The following BCL2L13 variants were observed in gnomAD, a reference collection of about 807,000 sequenced individuals.
BCL2L13 encodes the protein BCL2 like 13, also known as bcl-2-like protein 13.
In BCL2L13, 13 loss-of-function variants were observed where a neutral mutation model predicts 25.8. The observed-to-expected ratio is 0.50, with a 90% CI of 0.33 to 0.80. The LOEUF (loss-of-function observed/expected upper bound fraction) is 0.80. BCL2L13 is among the 30% of genes least tolerant of loss of function. BCL2L13 has a pLI of 0.02. For synonymous variants in BCL2L13, 244 were observed against 230.3 expected (o/e 1.06, Z -0.54); for missense variants, 504 against 574.9 (o/e 0.88, Z 1.26).
chr22:17,695,571 C>G (rs189379063), intron 4 of BCL2L13, among the ~76,000 whole-genome samples: 1 of 152,016 alleles, frequency 6.6e-6, no homozygotes, highest in Non-Finnish European at 1.5e-5. Context: ...CCACCTGCCT[C>G]GGCCTCTCAA....
rs1257015706 is a variant in BCL2L13 at position 17,638,795 on chromosome 22, G to A, written c.-142G>A. 9.7e-6 allele frequency: 12 copies of A among 1,231,894 alleles called. No individual in the cohort carries two copies. The East Asian group carries it at 3.8e-4, about 39-fold the overall frequency. 76.3% of individuals were successfully genotyped at this position (1,231,894 alleles called of 1,614,324 possible). A position where few individuals can be genotyped will look rare whatever the true frequency, so the allele number is the denominator to read the frequency against. ...GCGGCGGCGGTAGATTAGGGCCGCG[G>A]GTCGGAGCACTCACCGCCGCTGGGG... On this transcript the variant is annotated 5_prime_UTR_variant, in exon 1 of 7. Coordinates refer to ENST00000317582, the MANE Select transcript of BCL2L13 (RefSeq NM_015367.4).
rs548449379 is a variant in BCL2L13 at position 17,664,351 on chromosome 22, G to C, written c.121+8519G>C. 7.9e-5 allele frequency among the ~76,000 whole-genome samples: 12 copies of C among 152,348 alleles called. No individual in the cohort carries two copies. The South Asian group carries it at 2.3e-3, about 29-fold the overall frequency. Reference sequence around the variant, plus strand: ...TGTCTCACATCCAGGTTGTGCTGATGCAAGAGGTGGGTTCCCATGGCCTTG... The same window carrying C: ...TGTCTCACATCCAGGTTGTGCTGATCCAAGAGGTGGGTTCCCATGGCCTTG... On this transcript the variant is annotated intron_variant, in intron 2 of 6. Transcript: ENST00000317582.
At chr22:17,655,556 C>G (rs959700282) in intron 1 of BCL2L13, 106 bp from the exon 2 acceptor site, 2 of 865,476 alleles carry the variant, frequency 2.3e-6, no homozygotes, top group African/African-American at 3.5e-5. Flanking sequence ...GCGACAAGAG[C>G]AAGACTCTAC....
chr22:17,628,968 C>A, exon 1 of BCL2L13: 1 of 406,344 alleles, frequency 2.5e-6, no homozygotes, highest in South Asian at 2.6e-5. Flanking sequence ...GTTCCTCTAT[C>A]TGAAATTAGT....
At chr22:17,670,656 C>T (rs185806245) in intron 2 of BCL2L13, among the ~76,000 whole-genome samples, 321 of 152,234 alleles carry the variant, frequency 2.1e-3, no homozygotes, top group African/African-American at 7.2e-3. Context: ...TGAGCCACTG[C>T]GCCCGGCTTA....
chr22:17,687,185 G>A (rs1037305622), intron 3 of BCL2L13, among the ~76,000 whole-genome samples: 6 of 152,196 alleles, frequency 3.9e-5, no homozygotes, highest in African/African-American at 4.8e-5. Flanking sequence ...GGGTGCAAGC[G>A]GCCTGCTTTC....
chr22:17,646,716 C>CT lies in BCL2L13; in HGVS notation c.-51+7851dup, dbSNP rs10684670. Among the ~76,000 whole-genome samples, 204 of 89,178 alleles carry CT rather than the reference C, an allele frequency of 2.3e-3. 11 individuals carry two copies. Among genetic ancestry groups the CT allele is most frequent in the South Asian group, 0.021 (48 of 2,252 alleles). The allele number at this position is 89,178 out of a possible 152,430, so 58.5% of individuals were successfully genotyped here. ...TTGAAAAGAATCTTGAAATATCTGT[C>CT]TTTTTTTTTTTTTTTTTTTTTGAGA... is the stretch of plus-strand genomic sequence containing the variant. On this transcript the variant is annotated intron_variant, in intron 1 of 6. Coordinates refer to ENST00000317582, the MANE Select transcript of BCL2L13 (RefSeq NM_015367.4).
In BCL2L13 at chr22:17,683,074, A is replaced by T. The variant is rs1305119727; in HGVS notation, c.122-140A>T. On this transcript the variant is annotated intron_variant, in intron 2 of 6. Coordinates refer to ENST00000317582, the MANE Select transcript of BCL2L13 (RefSeq NM_015367.4). ...CTTGAACCTAGGAGGCAGAGGTTGC[A>T]GTGAGCGGAGATCATGCCATTGCAC... 2.5e-5 allele frequency: 13 copies of T among 514,564 alleles called. No individual in the cohort carries two copies. In the East Asian group the frequency reaches 3.8e-4, roughly 15 times the overall value. 31.9% of individuals were successfully genotyped at this position (514,564 alleles called of 1,614,324 possible).
chr22:17,692,123 T>C (rs1158137773), intron 4 of BCL2L13, among the ~76,000 whole-genome samples: 1 of 152,194 alleles, frequency 6.6e-6, no homozygotes, highest in Non-Finnish European at 1.5e-5. Context: ...AAGGTTTTGT[T>C]AATGTAGGAA....
At chr22:17,636,527 C>T (rs778471124), upstream of BCL2L13, among the ~76,000 whole-genome samples, 1 of 151,930 alleles carries the variant, frequency 6.6e-6, no homozygotes, top group Admixed American at 6.6e-5. Context: ...TGGTGGCTCA[C>T]GACTGTAATC....
intron 5 of BCL2L13, among the ~76,000 whole-genome samples, chr22:17,701,903 G>A (rs1398462969): frequency 1.5e-5 from 2 of 134,030 alleles, no homozygotes; most frequent in Non-Finnish European, 3.1e-5. Flanking sequence ...ATGAAAGAGC[G>A]AGACTCCATC....
intron 2 of BCL2L13, among the ~76,000 whole-genome samples, chr22:17,657,563 A>C (rs1254072177): frequency 6.6e-6 from 1 of 151,440 alleles, no homozygotes; most frequent in African/African-American, 2.4e-5. Context: ...TCCAGGCTAG[A>C]GTGCAGCGGC....
upstream of BCL2L13, among the ~76,000 whole-genome samples, chr22:17,636,335 A>G (rs183481620): frequency 6.6e-5 from 10 of 151,634 alleles, no homozygotes; most frequent in Middle Eastern, 3.4e-3. Flanking sequence ...AAAAAAGAAA[A>G]AAAAAAAAAA....
chr22:17,652,548 C>T (rs532359063), intron 1 of BCL2L13, among the ~76,000 whole-genome samples: 2 of 152,254 alleles, frequency 1.3e-5, no homozygotes, highest in South Asian at 4.1e-4. Context: ...AAGCAATTCT[C>T]CTGTCTCAGC....
intron 1 of BCL2L13, 117 bp downstream of exon 1, chr22:17,639,003 C>A (rs918550478): frequency 1.2e-6 from 1 of 844,424 alleles, no homozygotes; most frequent in Non-Finnish European, 1.6e-6. Context: ...TCCGACGACG[C>A]GTGAGTTTGA....
chr22:17,656,466 G>A (rs763694843), intron 2 of BCL2L13, among the ~76,000 whole-genome samples: 1 of 138,026 alleles, frequency 7.2e-6, no homozygotes, highest in Admixed American at 7.9e-5. Flanking sequence ...TTCTGCCTCA[G>A]CCTCCCGAGT....
chr22:17,631,672 A>ATATG (rs2058022849), intron 1 of BCL2L13, among the ~76,000 whole-genome samples: 1 of 16,354 alleles, frequency 6.1e-5, no homozygotes, highest in African/African-American at 3.1e-4. Context: ...GTGTGTGTGT[A>ATATG]TATATATATA....
intron 6 of BCL2L13, among the ~76,000 whole-genome samples, chr22:17,709,252 A>G (rs897142122): frequency 3.3e-5 from 5 of 151,402 alleles, no homozygotes; most frequent in African/African-American, 1.2e-4. Context: ...AAAACAAAAC[A>G]AAAAAAAGAG....
Position 17,630,140 on chromosome 22 carries a change from C to A in BCL2L13, c.-650+1135C>A, listed in dbSNP as rs377584548. 3.3e-5 allele frequency among the ~76,000 whole-genome samples: 5 copies of A among 150,706 alleles called. No homozygotes were observed. The East Asian group carries it at 9.8e-4, about 30-fold the overall frequency. Reference sequence around the variant, plus strand: ...GGCTGAGGCAGGAGAATTGCTTCAACCCAGGAGCAGAGGTTGCGGTGAGCC... The same window carrying A: ...GGCTGAGGCAGGAGAATTGCTTCAAACCAGGAGCAGAGGTTGCGGTGAGCC... On this transcript the variant is annotated intron_variant, in intron 1 of 6. Transcript: ENST00000399782.
Sources: allele counts gnomAD v4.1 joint callset (sites outside exome capture counted in the v4.1 genomes callset), GRCh38; gene constraint gnomAD v4.1.1; transcripts MANE v1.5; gene names NCBI Gene and HGNC (gene_info 2026-07-23, HGNC 2026-07-21).